Variants in DOCK3 observed in about 807,000 individuals in gnomAD.
DOCK3 encodes the protein dedicator of cytokinesis 3, also known as dedicator of cytokinesis protein 3.
DOCK3 carries 60 observed loss-of-function variants against 265.6 expected under a neutral mutation model. That is an observed-to-expected ratio of 0.23 (90% CI 0.18 to 0.28). The LOEUF is 0.28. Among genes scored for constraint, DOCK3 ranks in the 10% least tolerant of loss-of-function variants. The probability of loss-of-function intolerance (pLI) is 1.00; values close to 1 mark genes in which losing one functional copy is unlikely to be tolerated. For missense variants in DOCK3, 1,981 were observed against 2,594.3 expected (o/e 0.76, Z 5.14); for synonymous variants, 881 against 938.0 (o/e 0.94, Z 1.11).
intron 2 of DOCK3, among the ~76,000 whole-genome samples, chr3:50,819,948 C>G (rs1417275548): frequency 6.6e-6 from 1 of 152,018 alleles, no homozygotes; most frequent in Non-Finnish European, 1.5e-5. Flanking sequence ...GGCGAGAGAG[C>G]AAGACTCCGT....
intron 35 of DOCK3, chr3:51,337,030 C>G: frequency 2.5e-6 from 1 of 396,352 alleles, no homozygotes; most frequent in Non-Finnish European, 5.1e-6. Context: ...CCTGGCTCTG[C>G]TAGCGCTAAA....
chr3:51,257,630 G>GA (rs1321789331), intron 22 of DOCK3, among the ~76,000 whole-genome samples: 1 of 152,154 alleles, frequency 6.6e-6, no homozygotes, highest in African/African-American at 2.4e-5. Context: ...CCACAAGGAG[G>GA]AAAGAGAGGG....
chr3:50,703,142 A>G (rs141742103), intron 1 of DOCK3, among the ~76,000 whole-genome samples: 22 of 152,314 alleles, frequency 1.4e-4, no homozygotes, highest in African/African-American at 5.3e-4. Flanking sequence ...GATATATCAC[A>G]TTTATTGACT....
chr3:51,055,286 C>T (rs2081154556), intron 5 of DOCK3, among the ~76,000 whole-genome samples: 1 of 152,162 alleles, frequency 6.6e-6, no homozygotes, highest in Admixed American at 6.5e-5. Context: ...GGGGATAATA[C>T]TTCTAGGCTT....
intron 5 of DOCK3, among the ~76,000 whole-genome samples, chr3:51,022,817 C>A (rs2079652152): frequency 6.6e-6 from 1 of 152,124 alleles, no homozygotes; most frequent in African/African-American, 2.4e-5. Flanking sequence ...TGTTTCACTT[C>A]TTAGATTTAA....
rs575370738 is a variant in DOCK3 at position 51,329,442 on chromosome 3, T to TA, written c.3403-687dup. ...CCTGAACTTAAAATTAAATTAAATT[T>TA]AAAAAAAAAGTGACTGAGTACTGCT... On this transcript the variant is annotated intron_variant, in intron 32 of 52. Coordinates refer to ENST00000266037, the MANE Select transcript of DOCK3 (RefSeq NM_004947.5). Among the ~76,000 whole-genome samples, 31 of 151,464 alleles carry TA rather than the reference T, an allele frequency of 2.0e-4. 1 individual carries two copies. In the South Asian group the frequency reaches 4.6e-3, roughly 22 times the overall value.
intron 7 of DOCK3, among the ~76,000 whole-genome samples, chr3:51,084,578 T>C (rs1249455005): frequency 6.6e-6 from 1 of 152,112 alleles, no homozygotes; most frequent in African/African-American, 2.4e-5. Context: ...ACTGGACCAG[T>C]CCTACAAGAA....
rs1177392267 is a variant in DOCK3 at position 50,675,938 on chromosome 3, T to A, written c.37+638T>A. Among the ~76,000 whole-genome samples, 1 of 152,242 alleles carries A rather than the reference T, an allele frequency of 6.6e-6. No homozygotes were observed. Among genetic ancestry groups the A allele is most frequent in the African/African-American group, 2.4e-5 (1 of 41,468 alleles). On this transcript the variant is annotated intron_variant, in intron 1 of 52. Coordinates refer to ENST00000266037, the MANE Select transcript of DOCK3 (RefSeq NM_004947.5). This position sits in a 1 kb window ranked among gnomAD's most constrained non-coding sequence, Gnocchi z 6.1. ...AGACCTTATTCCTCTTAGAAACCTT[T>A]TTTTAATGTTGTAAGTGTTAAACTC...
chr3:51,189,490 A>G (rs2087810738), intron 12 of DOCK3, among the ~76,000 whole-genome samples: 1 of 152,166 alleles, frequency 6.6e-6, no homozygotes, highest in African/African-American at 2.4e-5. Flanking sequence ...CTTAGGTCCC[A>G]CTTATAAGTA....
At chr3:50,930,500 C>G (rs111510297) in intron 4 of DOCK3, among the ~76,000 whole-genome samples, 1 of 152,200 alleles carries the variant, frequency 6.6e-6, no homozygotes, top group Non-Finnish European at 1.5e-5. Flanking sequence ...TCCTGGCCCC[C>G]TGGAGCATGC....
intron 5 of DOCK3, among the ~76,000 whole-genome samples, chr3:50,944,974 C>G (rs910121966): frequency 1.3e-5 from 2 of 152,076 alleles, no homozygotes; most frequent in African/African-American, 4.8e-5. Flanking sequence ...AAAACAAAAA[C>G]AAACACAAAC....
intron 1 of DOCK3, among the ~76,000 whole-genome samples, chr3:50,771,447 CAA>C (rs779450709): frequency 1.3e-5 from 2 of 152,172 alleles, no homozygotes; most frequent in African/African-American, 2.4e-5. Context: ...CAGACAATAA[CAA>C]GTGCTGGTGA....
intron 3 of DOCK3, among the ~76,000 whole-genome samples, chr3:50,860,348 C>T (rs1025130863): frequency 3.3e-5 from 5 of 152,122 alleles, no homozygotes; most frequent in East Asian, 1.9e-4. Flanking sequence ...TAGGGAGTTG[C>T]TGAGTTGGTA....
At chr3:50,795,773 C>G (rs2042738623) in intron 2 of DOCK3, among the ~76,000 whole-genome samples, 1 of 152,196 alleles carries the variant, frequency 6.6e-6, no homozygotes, top group Admixed American at 6.5e-5. Flanking sequence ...TCACCTTGGT[C>G]TGTTCTGCTG....
At chr3:51,331,788 T>A (rs1448058755) in intron 33 of DOCK3, among the ~76,000 whole-genome samples, 1 of 151,994 alleles carries the variant, frequency 6.6e-6, no homozygotes, top group Non-Finnish European at 1.5e-5. Context: ...CAGGACCCCA[T>A]CTCAAAAAAG....
chr3:50,847,355 T>C (rs1425624986), intron 3 of DOCK3, among the ~76,000 whole-genome samples: 3 of 152,174 alleles, frequency 2.0e-5, no homozygotes, highest in Non-Finnish European at 2.9e-5. Flanking sequence ...ATGACTTCCA[T>C]TTTTTTGAAT....
At chr3:50,932,747 A>T (rs1033896532) in intron 4 of DOCK3, among the ~76,000 whole-genome samples, 1 of 151,890 alleles carries the variant, frequency 6.6e-6, no homozygotes, top group African/African-American at 2.4e-5. Flanking sequence ...CCCTCCCCAC[A>T]CGCTTTTCAT....
intron 1 of DOCK3, among the ~76,000 whole-genome samples, chr3:50,745,512 C>G (rs2039369032): frequency 6.6e-6 from 1 of 152,134 alleles, no homozygotes; most frequent in Non-Finnish European, 1.5e-5. Context: ...AAGCTCATTC[C>G]TAATTGTTTT....
chr3:51,308,714 G>A (rs933905729), intron 27 of DOCK3, among the ~76,000 whole-genome samples: 10 of 152,122 alleles, frequency 6.6e-5, no homozygotes, highest in East Asian at 3.9e-4. Flanking sequence ...ATCATGGCCC[G>A]TTCTCAATGA....
Sources: allele counts gnomAD v4.1 joint callset (sites outside exome capture counted in the v4.1 genomes callset), GRCh38; gene constraint gnomAD v4.1.1; non-coding constraint Gnocchi (gnomAD v3.1); transcripts MANE v1.5; gene names NCBI Gene and HGNC (gene_info 2026-07-23, HGNC 2026-07-21).